The following PRKN variants were observed in gnomAD, a reference collection of about 807,000 sequenced individuals.
PRKN encodes parkin RBR E3 ubiquitin protein ligase.
PRKN carries 56 observed loss-of-function variants against 59.5 expected under a neutral mutation model. The ratio of observed to expected loss-of-function variants is 0.94; its 90% CI spans 0.76 to 1.18. The LOEUF (loss-of-function observed/expected upper bound fraction) is 1.18, where lower values mean the gene tolerates loss of function less well. Ranked by LOEUF, PRKN falls within the 50% of genes most tolerant of loss-of-function variation. PRKN has a pLI of 0.00. For missense variants in PRKN, 657 were observed against 596.4 expected, an observed-to-expected ratio of 1.10 and a Z score of -1.06; for synonymous variants, 250 against 222.1, an observed-to-expected ratio of 1.13 and a Z score of -1.12.
intron 6 of PRKN, among the ~76,000 whole-genome samples, chr6:161,823,307 A>T (rs1439241818): frequency 6.6e-6 from 1 of 152,156 alleles, no homozygotes; most frequent in Non-Finnish European, 1.5e-5. Flanking sequence ...GTCGGCAGCA[A>T]ATCATGAAAT....
intron 4 of PRKN, among the ~76,000 whole-genome samples, chr6:162,104,977 G>A (rs1482417884): frequency 6.6e-6 from 1 of 152,098 alleles, no homozygotes; most frequent in African/African-American, 2.4e-5. Flanking sequence ...TCTGATTTTG[G>A]GTGGCATCAA....
chr6:162,372,073 GCCATCCTTCTGGCCTC>G (rs1785797132), intron 2 of PRKN, among the ~76,000 whole-genome samples: 1 of 152,164 alleles, frequency 6.6e-6, no homozygotes, highest in East Asian at 1.9e-4. Flanking sequence ...TGGAGTGGAC[GCCATCCTTCTGGCCTC>G]CTCCTGAAGG....
intron 6 of PRKN, among the ~76,000 whole-genome samples, chr6:161,838,092 C>T (rs1792836211): frequency 6.6e-6 from 1 of 152,180 alleles, no homozygotes; most frequent in African/African-American, 2.4e-5. Flanking sequence ...AGCAATGGTG[C>T]TGCTTTTGTT....
chr6:162,119,701 C>T (rs1003679247), intron 4 of PRKN, among the ~76,000 whole-genome samples: 4 of 152,050 alleles, frequency 2.6e-5, no homozygotes, highest in Admixed American at 6.6e-5. Context: ...CAGTGGCAAG[C>T]GGGTCTTTAG....
intron 6 of PRKN, among the ~76,000 whole-genome samples, chr6:161,902,523 C>A (rs547200471): frequency 8.8e-6 from 1 of 113,864 alleles, no homozygotes; most frequent in South Asian, 3.0e-4. Context: ...AATAGACATC[C>A]GTCTATCTAT....
Position 161,352,358 on chromosome 6 carries a change from G to T in PRKN, c.1286-2147C>A, listed in dbSNP as rs1784581933. ...CTAATCCTTTCTGGCTTGTTTTAAA[G>T]ATCATAAATTACAGATCTGTGGAAA... On this transcript the variant is annotated intron_variant, in intron 11 of 11. Transcript: ENST00000366898. The surrounding 1 kb of genome is among the most constrained non-coding windows in gnomAD (Gnocchi z 5.8). 6.6e-6 allele frequency among the ~76,000 whole-genome samples: 1 copy of T among 152,074 alleles called. No homozygotes were observed. The highest frequency in any genetic ancestry group is 2.1e-4 in the South Asian group (1 of 4,834).
chr6:162,316,743 G>A (rs1212484546), intron 2 of PRKN, among the ~76,000 whole-genome samples: 1 of 151,988 alleles, frequency 6.6e-6, no homozygotes, highest in Non-Finnish European at 1.5e-5. Context: ...GAGTTACAAA[G>A]AGAGTGCAAA....
chr6:161,947,502 T>C (rs920474493), intron 6 of PRKN, among the ~76,000 whole-genome samples: 5 of 152,204 alleles, frequency 3.3e-5, no homozygotes, highest in Non-Finnish European at 7.3e-5. Flanking sequence ...CCTACTTTCA[T>C]GTATCTGCCT....
chr6:161,927,645 T>C (rs1381477184), intron 6 of PRKN, among the ~76,000 whole-genome samples: 2 of 152,274 alleles, frequency 1.3e-5, no homozygotes, highest in African/African-American at 2.4e-5. Flanking sequence ...TTAATGGAAA[T>C]GAGAGTAGTT....
intron 1 of PRKN, among the ~76,000 whole-genome samples, chr6:162,512,148 A>G (rs1032378407): frequency 2.6e-5 from 4 of 152,238 alleles, no homozygotes; most frequent in African/African-American, 9.6e-5. Context: ...TTAAAGTGGA[A>G]GAATGAAAAT....
intron 2 of PRKN, among the ~76,000 whole-genome samples, chr6:162,338,443 G>C (rs1229442513): frequency 2.0e-5 from 3 of 152,154 alleles, no homozygotes; most frequent in African/African-American, 7.2e-5. Flanking sequence ...TGGTGGAGAC[G>C]GGGTTTTGCT....
intron 7 of PRKN, among the ~76,000 whole-genome samples, chr6:161,603,162 C>T (rs563429326): frequency 2.0e-5 from 3 of 152,030 alleles, no homozygotes; most frequent in Non-Finnish European, 2.9e-5. Context: ...TTTTTGGCAC[C>T]ATATTGACTA....
intron 1 of PRKN, among the ~76,000 whole-genome samples, chr6:162,589,030 C>A (rs1238195153): frequency 1.3e-5 from 2 of 152,184 alleles, no homozygotes; most frequent in Middle Eastern, 3.2e-3. Flanking sequence ...CAGCTCTCCT[C>A]CCCCTGCAAA....
At chr6:162,114,391 T>C (rs1780577171) in intron 4 of PRKN, among the ~76,000 whole-genome samples, 1 of 151,708 alleles carries the variant, frequency 6.6e-6, no homozygotes, top group African/African-American at 2.4e-5. Flanking sequence ...TTTATTTCCT[T>C]GAGCAGTGGT....
At chr6:161,963,363 A>C (rs1199006620) in intron 6 of PRKN, among the ~76,000 whole-genome samples, 1 of 152,246 alleles carries the variant, frequency 6.6e-6, no homozygotes, top group Non-Finnish European at 1.5e-5. Context: ...TTTCATGCAC[A>C]AGCACCTGTG....
intron 7 of PRKN, among the ~76,000 whole-genome samples, chr6:161,778,657 C>G (rs1790059875): frequency 6.6e-6 from 1 of 152,126 alleles, no homozygotes; most frequent in South Asian, 2.1e-4. Context: ...GGGTCTGACT[C>G]TGGAGGTCCA....
chr6:162,713,008 A>T (rs1373153620), intron 1 of PRKN, among the ~76,000 whole-genome samples: 1 of 152,224 alleles, frequency 6.6e-6, no homozygotes, highest in Admixed American at 6.5e-5. Context: ...TACTAAGTAT[A>T]TGAGATGCTG....
At chr6:162,099,858 C>T in intron 4 of PRKN, among the ~76,000 whole-genome samples, 1 of 152,104 alleles carries the variant, frequency 6.6e-6, no homozygotes, top group East Asian at 1.9e-4. Flanking sequence ...CAATACTGTG[C>T]AATACATCAC....
At chr6:161,748,231 T>C (rs1451960293) in intron 7 of PRKN, among the ~76,000 whole-genome samples, 1 of 152,128 alleles carries the variant, frequency 6.6e-6, no homozygotes, top group Non-Finnish European at 1.5e-5. Context: ...ATACATTTAG[T>C]GATGGGCACA....
Sources: allele counts gnomAD v4.1 joint callset (sites outside exome capture counted in the v4.1 genomes callset), GRCh38; gene constraint gnomAD v4.1.1; non-coding constraint Gnocchi (gnomAD v3.1); transcripts MANE v1.5; gene names NCBI Gene and HGNC (gene_info 2026-07-23, HGNC 2026-07-21).